Variants in HAPLN3 observed in about 807,000 individuals in gnomAD.
HAPLN3 encodes the protein hyaluronan and proteoglycan link protein 3.
HAPLN3 carries 28 observed loss-of-function variants against 28.1 expected under a neutral mutation model. The observed-to-expected ratio is 1.00, with a 90% confidence interval of 0.74 to 1.37. HAPLN3 has a LOEUF of 1.37. Among genes scored for constraint, HAPLN3 ranks in the 40% most tolerant of loss-of-function variants. The probability of loss-of-function intolerance (pLI) is 0.00; values close to 1 mark genes in which losing one functional copy is unlikely to be tolerated. For missense variants in HAPLN3, 513 were observed against 504.6 expected (o/e 1.02, Z -0.16); for synonymous variants, 211 against 213.1 (o/e 0.99, Z 0.09).
intron 2 of HAPLN3, among the ~76,000 whole-genome samples, chr15:88,885,449 G>GT (rs1254533573): frequency 7.8e-6 from 1 of 127,650 alleles, no homozygotes; most frequent in African/African-American, 3.0e-5. Flanking sequence ...CTAATTTTTT[G>GT]TTTTTTGTGT....
At chr15:88,883,563 A>T (rs1897764459) in intron 2 of HAPLN3, among the ~76,000 whole-genome samples, 2 of 152,194 alleles carry the variant, frequency 1.3e-5, no homozygotes, top group African/African-American at 4.8e-5. Context: ...GTTCTTCCCA[A>T]CTCTCTTAAG....
chr15:88,878,982 C>G lies in HAPLN3; in HGVS notation c.781G>C (p.Ala261Pro), dbSNP rs766558697. The change falls in exon 4 of 5, where the codon GCT (alanine) becomes CCT (proline). Residue 261 changes from alanine (A) to proline (P), a missense_variant. By Grantham distance (27) the Ala-to-Pro change is conservative. Coordinates refer to ENST00000359595, the MANE Select transcript of HAPLN3 (RefSeq NM_178232.4). The part of the protein sequence containing the change: ...RLHRYDVFCF[A>P]TALKGRVYYL... ...TTCCACTCACCCTTGAGGGCAGTAG[C>G]GAAGCAGAATACATCATAGCGGTGC... 64 of 1,609,658 alleles carry G rather than the reference C, an allele frequency of 4.0e-5. No homozygotes were observed. The highest frequency in any genetic ancestry group is 5.3e-5 in the Non-Finnish European group (62 of 1,178,670).
rs1335222848 is a variant in HAPLN3 at position 88,879,395 on chromosome 15, G to A, written c.494-126C>T. 6.5e-7 allele frequency: 1 copy of A among 1,545,482 alleles called. No individual in the cohort carries two copies. The highest frequency in any genetic ancestry group is 2.4e-5 in the East Asian group (1 of 41,254). ...ACACACACACATACACCATCCCTCA[G>A]AAAAACTCAGCAAACCTCTGACCTC... On this transcript the variant is annotated intron_variant, in intron 3 of 4. Transcript: ENST00000359595. This position sits in a 1 kb window ranked among gnomAD's most constrained non-coding sequence, Gnocchi z 5.0.
chr15:88,879,476 A>G lies in HAPLN3; in HGVS notation c.494-207T>C. 6.5e-7 allele frequency: 1 copy of G among 1,530,910 alleles called. No individual in the cohort carries two copies. Among genetic ancestry groups the G allele is most frequent in the Non-Finnish European group, 8.7e-7 (1 of 1,144,310 alleles). 94.8% of individuals were successfully genotyped at this position (1,530,910 alleles called of 1,614,324 possible). A position where few individuals can be genotyped will look rare whatever the true frequency, so the allele number is the denominator to read the frequency against. On this transcript the variant is annotated intron_variant, in intron 3 of 4. Coordinates refer to ENST00000359595, the MANE Select transcript of HAPLN3 (RefSeq NM_178232.4). This position sits in a 1 kb window ranked among gnomAD's most constrained non-coding sequence, Gnocchi z 5.0. ...AGCTGGTTCACAGCAGTACTCAGAA[A>G]ACATCCATGAGTTAAGGTAATTAAT... is the stretch of plus-strand genomic sequence containing the variant.
intron 2 of HAPLN3, 22 bp downstream of exon 2, chr15:88,887,153 C>T: frequency 1.2e-6 from 2 of 1,613,848 alleles, no homozygotes; most frequent in Non-Finnish European, 1.7e-6. Context: ...GAGCAAAGAG[C>T]CGGGTGCAGG....
At chr15:88,887,139 AG>A in intron 2 of HAPLN3, 35 bp downstream of exon 2, 1 of 1,611,980 alleles carries the variant, frequency 6.2e-7, no homozygotes, top group Non-Finnish European at 8.5e-7. Context: ...TAGGTCACCC[AG>A]GGGAGCAAAG....
chr15:88,877,848 TA>T lies in HAPLN3; in HGVS notation c.*121del. ...TTACAAAAAATAGTAAAAAAATGTTTAAAGAAAATTTAAATTGAGAAGTATA... is the reference window on the plus strand; with the variant it reads ...TTACAAAAAATAGTAAAAAAATGTTTAAGAAAATTTAAATTGAGAAGTATA... On this transcript the variant is annotated 3_prime_UTR_variant, in exon 5 of 5. Transcript: ENST00000359595. This position sits in a 1 kb window ranked among gnomAD's most constrained non-coding sequence, Gnocchi z 5.1. 1 of 1,026,956 alleles carries T rather than the reference TA, an allele frequency of 9.7e-7. No individual in the cohort carries two copies. The highest frequency in any genetic ancestry group is 1.4e-6 in the Non-Finnish European group (1 of 723,400). The allele number at this position is 1,026,956 out of a possible 1,614,324, so 63.6% of individuals were successfully genotyped here. A position where few individuals can be genotyped will look rare whatever the true frequency, so the allele number is the denominator to read the frequency against.
chr15:88,890,134 C>G lies in HAPLN3; in HGVS notation c.-47-2789G>C, dbSNP rs75831658. 8.9e-3 allele frequency among the ~76,000 whole-genome samples: 1,354 copies of G among 152,246 alleles called. 13 individuals are homozygous for G. The highest frequency in any genetic ancestry group is 0.03 in the African/African-American group (1,239 of 41,532). ...GTGATGGGATTGTGGAGGAAACATT[C>G]TTGTTTCCAGAACAGTTAGGAGCTC... On this transcript the variant is annotated intron_variant, in intron 1 of 4. Coordinates refer to ENST00000359595, the MANE Select transcript of HAPLN3 (RefSeq NM_178232.4).
intron 2 of HAPLN3, among the ~76,000 whole-genome samples, chr15:88,882,164 C>A (rs1362130583): frequency 6.6e-6 from 1 of 152,190 alleles, no homozygotes; most frequent in Non-Finnish European, 1.5e-5. Flanking sequence ...AGCAACCAGC[C>A]CCCAGCTGAC....
At chr15:88,892,312 A>T (rs1898032510) in intron 1 of HAPLN3, among the ~76,000 whole-genome samples, 1 of 151,832 alleles carries the variant, frequency 6.6e-6, no homozygotes, top group Non-Finnish European at 1.5e-5. Context: ...TAAAAAATAG[A>T]TGGGTGTGGT....
rs1262467338 is a variant in HAPLN3 at position 88,880,529 on chromosome 15, G to A, written c.493+828C>T. 1 of 1,284,610 alleles carries A rather than the reference G, an allele frequency of 7.8e-7. No homozygotes were observed. Among genetic ancestry groups the A allele is most frequent in the Non-Finnish European group, 1.0e-6 (1 of 984,770 alleles). The allele number at this position is 1,284,610 out of a possible 1,614,324, so 79.6% of individuals were successfully genotyped here. ...CACATGTCATAGCTGGGACGGGCTG[G>A]GGCTAAAGTCAGGTCACCTTCCTCT... On this transcript the variant is annotated intron_variant, in intron 3 of 4. Coordinates refer to ENST00000359595, the MANE Select transcript of HAPLN3 (RefSeq NM_178232.4). This position sits in a 1 kb window ranked among gnomAD's most constrained non-coding sequence, Gnocchi z 6.0.
intron 1 of HAPLN3, among the ~76,000 whole-genome samples, chr15:88,891,283 T>A (rs886965530): frequency 2.6e-5 from 4 of 151,048 alleles, no homozygotes; most frequent in Non-Finnish European, 5.9e-5. Context: ...GAGCACTTAC[T>A]CTCTCATTTA....
Position 88,881,713 on chromosome 15 carries a change from C to A in HAPLN3, c.137G>T (p.Gly46Val). 6.2e-7 allele frequency: 1 copy of A among 1,610,760 alleles called. No homozygotes were observed. The highest frequency in any genetic ancestry group is 8.5e-7 in the Non-Finnish European group (1 of 1,177,984). The change falls in exon 3 of 5, where the codon GGA becomes GTA. Residue 46 changes from glycine (G) to valine (V), a missense_variant. Transcript: ENST00000359595. This position sits in a 1 kb window ranked among gnomAD's most constrained non-coding sequence, Gnocchi z 6.0. ...GNGHGKDLLN[G>V]VKLVVETPEE... ...GGGTGTCTCCACCACCAGCTTCACT[C>A]CATTAAGGAGGTCTTGGGGGAGAGA...
Position 88,879,400 on chromosome 15 carries a change from A to G in HAPLN3, c.494-131T>C. On this transcript the variant is annotated intron_variant, in intron 3 of 4. Transcript: ENST00000359595. This position sits in a 1 kb window ranked among gnomAD's most constrained non-coding sequence, Gnocchi z 5.0. ...CACACATACACCATCCCTCAGAAAA[A>G]CTCAGCAAACCTCTGACCTCCTGTC... 2 of 1,541,968 alleles carry G rather than the reference A, an allele frequency of 1.3e-6. No individual in the cohort carries two copies. The highest frequency in any genetic ancestry group is 1.7e-6 in the Non-Finnish European group (2 of 1,151,354).
rs140941989 is a variant in HAPLN3, at chr15:88,889,572, G to A, written c.-47-2227C>T. Among the ~76,000 whole-genome samples, 557 of 152,322 alleles carry A rather than the reference G, an allele frequency of 3.7e-3. 11 individuals are homozygous for A. Among genetic ancestry groups the A allele is most frequent in the Middle Eastern group, 0.02 (6 of 294 alleles). ...GCTGGTCTCGAACTCCTCGCCTCGA[G>A]TGATCCGCCCACCTCGGCCTCCCAA... On this transcript the variant is annotated intron_variant, in intron 1 of 4. Coordinates refer to ENST00000359595, the MANE Select transcript of HAPLN3 (RefSeq NM_178232.4).
chr15:88,893,960 C>G (rs1280091981), intron 1 of HAPLN3, among the ~76,000 whole-genome samples: 18 of 140,974 alleles, frequency 1.3e-4, no homozygotes, highest in South Asian at 2.3e-4. Context: ...GTGGGGGGGG[C>G]GGTCACGACA....
Position 88,881,501 on chromosome 15 carries a change from C to T in HAPLN3, c.349G>A (p.Gly117Ser), listed in dbSNP as rs374405923. Residue 117 changes from glycine to serine, a missense_variant, in exon 3 of 5, where the codon GGC becomes AGC. Transcript: ENST00000359595. The surrounding 1 kb of genome is among the most constrained non-coding windows in gnomAD (Gnocchi z 6.0). ...LRHRSFGDYQ[G>S]RVHLRQDKEH... ...TTGTCCTGCCGCAGGTGCACGCGGC[C>T]TTGGTAGTCCCCAAAGGAGCGGTGC... is the stretch of plus-strand genomic sequence containing the variant. 2 of 1,614,120 alleles carry T rather than the reference C, an allele frequency of 1.2e-6. No homozygotes were observed. The highest frequency in any genetic ancestry group is 1.7e-6 in the Non-Finnish European group (2 of 1,180,046).
intron 1 of HAPLN3, among the ~76,000 whole-genome samples, chr15:88,892,167 A>G (rs1898029245): frequency 1.2e-4 from 19 of 152,138 alleles, no homozygotes; most frequent in Admixed American, 1.2e-3. Flanking sequence ...AAGAAAATCA[A>G]AAGGAATTAG....
At chr15:88,885,344 C>T (rs1453434010) in intron 2 of HAPLN3, among the ~76,000 whole-genome samples, 2 of 152,214 alleles carry the variant, frequency 1.3e-5, no homozygotes, top group African/African-American at 2.4e-5. Flanking sequence ...GGTGTGATCT[C>T]AGCTTACTGC....
Sources: allele counts gnomAD v4.1 joint callset (sites outside exome capture counted in the v4.1 genomes callset), GRCh38; gene constraint gnomAD v4.1.1; non-coding constraint Gnocchi (gnomAD v3.1); transcripts MANE v1.5; gene names NCBI Gene and HGNC (gene_info 2026-07-23, HGNC 2026-07-21).